Variants in KLHL5 observed in about 807,000 individuals in gnomAD.
The protein encoded by KLHL5 is kelch like family member 5, also known as kelch-like protein 5.
KLHL5 carries 48 observed loss-of-function variants against 77.7 expected under a neutral mutation model. The observed-to-expected ratio is 0.62, with a 90% CI of 0.49 to 0.79. The LOEUF (loss-of-function observed/expected upper bound fraction) is 0.79. Ranked by LOEUF, KLHL5 falls within the 30% of genes least tolerant of loss-of-function variation. The pLI is 0.00. For synonymous variants in KLHL5, 260 were observed against 297.0 expected (o/e 0.88, Z 1.28); for missense variants, 723 against 859.7 (o/e 0.84, Z 1.99).
intron 4 of KLHL5, among the ~76,000 whole-genome samples, chr4:39,084,474 A>G (rs1719878728): frequency 6.6e-6 from 1 of 152,212 alleles, no homozygotes; most frequent in African/African-American, 2.4e-5. Context: ...TTCTCAATCT[A>G]GAAGACTTAT....
At chr4:39,089,909 A>T (rs774599988) in intron 5 of KLHL5, among the ~76,000 whole-genome samples, 1 of 152,226 alleles carries the variant, frequency 6.6e-6, no homozygotes, top group Non-Finnish European at 1.5e-5. Flanking sequence ...GCCTTGTATA[A>T]TTTAAACAAG....
chr4:39,072,022 T>C (rs1390164055), intron 1 of KLHL5, among the ~76,000 whole-genome samples: 1 of 152,142 alleles, frequency 6.6e-6, no homozygotes, highest in East Asian at 1.9e-4. Flanking sequence ...TTTAAATGCT[T>C]CAGGAATGGC....
chr4:39,109,804 C>G (rs1278732933), intron 8 of KLHL5, among the ~76,000 whole-genome samples: 1 of 151,482 alleles, frequency 6.6e-6, no homozygotes, highest in Non-Finnish European at 1.5e-5. Context: ...CTGCCTCAGC[C>G]TCCCAAGTAT....
chr4:39,126,733 G>A, downstream of KLHL5: 1 of 456,162 alleles, frequency 2.2e-6, no homozygotes, highest in South Asian at 1.5e-5. Flanking sequence ...AGATCACCTG[G>A]TGGCCATCAA....
chr4:39,054,988 G>C (rs1716908333), intron 1 of KLHL5, among the ~76,000 whole-genome samples: 1 of 152,216 alleles, frequency 6.6e-6, no homozygotes, highest in African/African-American at 2.4e-5. Flanking sequence ...ATTGATGAAA[G>C]TGTAAAGAAA....
At chr4:39,047,081 A>G (rs547452328) in intron 1 of KLHL5, among the ~76,000 whole-genome samples, 3 of 152,356 alleles carry the variant, frequency 2.0e-5, no homozygotes, top group Non-Finnish European at 2.9e-5. Context: ...TTCCAAATCT[A>G]TATGACTATG....
intron 8 of KLHL5, among the ~76,000 whole-genome samples, chr4:39,112,407 T>C (rs1351619414): frequency 6.6e-6 from 1 of 152,218 alleles, no homozygotes; most frequent in Non-Finnish European, 1.5e-5. Flanking sequence ...AAGTACATTC[T>C]ACATGACTGT....
At chr4:39,050,367 G>A (rs559856186) in intron 1 of KLHL5, among the ~76,000 whole-genome samples, 41 of 152,310 alleles carry the variant, frequency 2.7e-4, no homozygotes, top group African/African-American at 9.6e-4. Flanking sequence ...CAGAGTCCAA[G>A]GGCAAGAAGT....
intron 10 of KLHL5, among the ~76,000 whole-genome samples, chr4:39,119,188 T>C (rs117549369): frequency 6.6e-6 from 1 of 152,324 alleles, no homozygotes; most frequent in East Asian, 1.9e-4. Flanking sequence ...TCACCCCATA[T>C]CAAAATTGAT....
intron 6 of KLHL5, among the ~76,000 whole-genome samples, chr4:39,101,876 A>ATATG (rs1721586128): frequency 7.4e-6 from 1 of 135,516 alleles, no homozygotes; most frequent in East Asian, 2.1e-4. Flanking sequence ...ATATATATAT[A>ATATG]TACACACACA....
intron 10 of KLHL5, among the ~76,000 whole-genome samples, chr4:39,120,542 T>C (rs1348878097): frequency 8.5e-5 from 13 of 152,148 alleles, no homozygotes; most frequent in Admixed American, 8.5e-4. Flanking sequence ...AGGTTATGAG[T>C]TCTTCTAGAA....
chr4:39,122,970 A>G lies in KLHL5; in HGVS notation c.*1904A>G, dbSNP rs922423818. 6.6e-6 allele frequency among the ~76,000 whole-genome samples: 1 copy of G among 152,210 alleles called. No individual in the cohort carries two copies. The highest frequency in any genetic ancestry group is 1.9e-4 in the East Asian group (1 of 5,202). On this transcript the variant is annotated 3_prime_UTR_variant, in exon 11 of 11. Transcript: ENST00000504108. ...GTATTTAGGGAAGACTTTTGTTTAA[A>G]TCTCTTATGGAATTTTACATGTTTT...
chr4:39,102,384 T>TG lies in KLHL5; in HGVS notation c.1301-903_1301-902insG, dbSNP rs1721653260. Among the ~76,000 whole-genome samples, 15 of 133,140 alleles carry TG rather than the reference T, an allele frequency of 1.1e-4. No homozygotes were observed. In the South Asian group the frequency reaches 3.6e-3, roughly 32 times the overall value. The allele number at this position is 133,140 out of a possible 152,430, so 87.3% of individuals were successfully genotyped here. On this transcript the variant is annotated intron_variant, in intron 6 of 10. Coordinates refer to ENST00000504108, the MANE Select transcript of KLHL5 (RefSeq NM_015990.5). ...AGGAGTCCTGGAATCTTCCAATTCT[T>TG]AAAAAAAAAAAAAAAGAAAAGAAAA...
chr4:39,062,604 T>C lies in KLHL5; in HGVS notation c.-49T>C, dbSNP rs1287009620. The C allele has an allele frequency of 6.2e-7, 1 of 1,614,216 alleles. No homozygotes were observed. The highest frequency in any genetic ancestry group is 1.3e-5 in the African/African-American group (1 of 75,062). On this transcript the variant is annotated 5_prime_UTR_variant, in exon 1 of 11. Coordinates refer to ENST00000504108, the MANE Select transcript of KLHL5 (RefSeq NM_015990.5). Reference sequence around the variant, plus strand: ...TCTTGGTTGGATGCACAAATCTGTGTGCAGTGCTTTTTGCCCGTTGCCTAG... The same window carrying C: ...TCTTGGTTGGATGCACAAATCTGTGCGCAGTGCTTTTTGCCCGTTGCCTAG...
chr4:39,135,329 G>A, the KLHL5 span: 34 of 152,224 alleles, frequency 2.2e-4, no homozygotes, highest in African/African-American at 7.5e-4. Context: ...CGGAGCTTGG[G>A]AAATCCACTG....
At chr4:39,136,005 C>CGTGTGTGTGTGTGTGTGT in the KLHL5 span, among the ~76,000 whole-genome samples, 2 of 145,920 alleles carry the variant, frequency 1.4e-5, no homozygotes, top group African/African-American at 5.1e-5. Context: ...CATTCTAACA[C>CGTGTGTGTGTGTGTGTGT]GTGTGTGTGT....
At chr4:39,126,703 C>T (rs750768875), downstream of KLHL5, 26 of 455,236 alleles carry the variant, frequency 5.7e-5, no homozygotes, top group Non-Finnish European at 9.7e-5. Context: ...GGTATTTTCA[C>T]ATACTTTTGA....
At chr4:39,062,145 T>C, upstream of KLHL5, 1 of 682,350 alleles carries the variant, frequency 1.5e-6, no homozygotes, top group Non-Finnish European at 1.8e-6. Context: ...AAAGTGATTA[T>C]TTTTAAGTAC....
At chr4:39,142,349 C>T in the KLHL5 span, among the ~76,000 whole-genome samples, 9 of 150,638 alleles carry the variant, frequency 6.0e-5, no homozygotes, top group African/African-American at 1.2e-4. Context: ...GAGCTGAGAT[C>T]GCGCCATTGC....
Sources: gnomAD v4.1 joint callset for allele counts (sites outside exome capture counted in the v4.1 genomes callset) on GRCh38, gnomAD v4.1.1 for gene constraint, MANE v1.5 for transcripts, NCBI Gene and HGNC (gene_info 2026-07-23, HGNC 2026-07-21) for gene names.